OTULIN: variants seen among roughly 807,000 people sequenced by gnomAD.
OTULIN encodes ubiquitin thioesterase otulin.
A neutral mutation model predicts 39.6 loss-of-function variants in OTULIN; 15 were observed. The observed-to-expected ratio is 0.38, with a 90% confidence interval of 0.25 to 0.58. OTULIN has a LOEUF of 0.58. OTULIN is among the 20% of genes least tolerant of loss of function. The pLI is 0.66. For synonymous variants in OTULIN, 156 were observed against 170.3 expected (o/e 0.92, Z 0.65); for missense variants, 319 against 445.9 (o/e 0.72, Z 2.56).
chr5:14,675,014 C>A (rs1359240863), intron 2 of OTULIN, among the ~76,000 whole-genome samples: 1 of 152,170 alleles, frequency 6.6e-6, no homozygotes, highest in Non-Finnish European at 1.5e-5. Flanking sequence ...AGGTGGATGC[C>A]TAATGATTTC....
At chr5:14,677,688 C>T (rs965795052) in intron 2 of OTULIN, among the ~76,000 whole-genome samples, 9 of 151,998 alleles carry the variant, frequency 5.9e-5, no homozygotes, top group Non-Finnish European at 1.3e-4. Context: ...TTGTTAGAGT[C>T]AGGTGAGGTC....
intron 5 of OTULIN, 102 bp downstream of exon 5, chr5:14,687,748 T>TA: frequency 7.0e-7 from 1 of 1,419,754 alleles, no homozygotes; most frequent in Non-Finnish European, 9.3e-7. Flanking sequence ...TTTCAAATGC[T>TA]CTTGGCTGAT....
At chr5:14,700,087 A>T (rs1434819520), downstream of OTULIN, among the ~76,000 whole-genome samples, 1 of 152,194 alleles carries the variant, frequency 6.6e-6, no homozygotes, top group African/African-American at 2.4e-5. Context: ...AGAAAGGCTG[A>T]GCATGTTTTC....
At chr5:14,713,656 C>T in the OTULIN span, 2 of 1,614,078 alleles carry the variant, frequency 1.2e-6, no homozygotes, top group Non-Finnish European at 1.7e-6. This position sits in a 1 kb window ranked among gnomAD's most constrained non-coding sequence, Gnocchi z 4.4. Context: ...GTGAGATGCG[C>T]CCTCACTGTG....
intron 4 of OTULIN, among the ~76,000 whole-genome samples, chr5:14,682,311 A>G (rs1346666282): frequency 6.6e-6 from 1 of 152,328 alleles, no homozygotes; most frequent in Non-Finnish European, 1.5e-5. Context: ...TTCTGTATCT[A>G]AAATAAAAGT....
chr5:14,712,838 G>T, the OTULIN span: 1 of 1,559,472 alleles, frequency 6.4e-7, no homozygotes, highest in African/African-American at 1.4e-5. Context: ...CCAGGAGGAT[G>T]CACCCGGGAG....
At chr5:14,680,027 C>T (rs929436620) in intron 3 of OTULIN, among the ~76,000 whole-genome samples, 2 of 152,156 alleles carry the variant, frequency 1.3e-5, no homozygotes, top group Non-Finnish European at 2.9e-5. Context: ...TCCTTATTGG[C>T]GTGATTGTCT....
chr5:14,701,411 C>A (rs1389424416), downstream of OTULIN, among the ~76,000 whole-genome samples: 1 of 152,014 alleles, frequency 6.6e-6, no homozygotes, highest in Non-Finnish European at 1.5e-5. Flanking sequence ...ACTTTTGGAC[C>A]CCCTGCCCTG....
At chr5:14,708,129 C>T in the OTULIN span, 2 of 152,358 alleles carry the variant, frequency 1.3e-5, no homozygotes, top group Admixed American at 1.3e-4. Context: ...ACTGAGATCC[C>T]TGTAAGTCAC....
chr5:14,711,161 C>G, the OTULIN span: 1 of 1,520,112 alleles, frequency 6.6e-7, no homozygotes, highest in South Asian at 1.1e-5. Context: ...GTCATCCTGA[C>G]TGACTGTCCC....
chr5:14,689,660 C>T (rs1311722100), intron 5 of OTULIN, among the ~76,000 whole-genome samples: 5 of 152,168 alleles, frequency 3.3e-5, no homozygotes, highest in African/African-American at 1.2e-4. Flanking sequence ...GCTAACCCTC[C>T]TGTAAGCCCC....
chr5:14,715,011 G>A, the OTULIN span, among the ~76,000 whole-genome samples: 21 of 152,308 alleles, frequency 1.4e-4, no homozygotes, highest in Admixed American at 3.3e-4. Context: ...ATGCCATCCC[G>A]GTGCTGTGAT....
the OTULIN span, chr5:14,712,966 C>T: frequency 5.6e-6 from 9 of 1,612,724 alleles, no homozygotes; most frequent in African/African-American, 2.7e-5. Context: ...AGGGTCGCAC[C>T]GTGCACCCTG....
the OTULIN span, chr5:14,707,299 A>G: frequency 6.6e-6 from 1 of 151,552 alleles, no homozygotes; most frequent in African/African-American, 2.4e-5. Context: ...GAAGGGGGAA[A>G]AAAAAAAACC....
chr5:14,691,783 A>G (rs936900799), intron 6 of OTULIN, among the ~76,000 whole-genome samples: 5 of 152,116 alleles, frequency 3.3e-5, no homozygotes, highest in African/African-American at 1.2e-4. Flanking sequence ...CCACTAATCT[A>G]CTTTCTGTCT....
rs187976186 is a variant in OTULIN at position 14,693,164 on chromosome 5, C to T, written c.*116C>T. 1.4e-5 allele frequency: 14 copies of T among 981,612 alleles called. No homozygotes were observed. In the Admixed American group the frequency reaches 3.6e-4, roughly 25 times the overall value. 60.8% of individuals were successfully genotyped at this position (981,612 alleles called of 1,614,324 possible). A position where few individuals can be genotyped will look rare whatever the true frequency, so the allele number is the denominator to read the frequency against. On this transcript the variant is annotated 3_prime_UTR_variant, in exon 7 of 7. Transcript: ENST00000284274. ...AATCTCTGAGAAGAACCCTTGGGCCCCTGGGAGCCAAGTTGGACAGGATGT... is the reference window on the plus strand; with the variant it reads ...AATCTCTGAGAAGAACCCTTGGGCCTCTGGGAGCCAAGTTGGACAGGATGT...
chr5:14,710,942 G>A, the OTULIN span: 19 of 461,126 alleles, frequency 4.1e-5, no homozygotes, highest in East Asian at 1.8e-4. Flanking sequence ...TTGGGTTTTC[G>A]TGAGGCAGGG....
the OTULIN span, among the ~76,000 whole-genome samples, chr5:14,716,129 T>G: frequency 1.4e-4 from 21 of 152,358 alleles, no homozygotes; most frequent in African/African-American, 4.6e-4. Context: ...GAGGGCCGTT[T>G]TATTGTCCCC....
In OTULIN at chr5:14,686,541, T is replaced by C. The variant is rs16903643; in HGVS notation, c.469-980T>C. ...GTACTGGCAGAACTGTATTAATAAC[T>C]GCTAAACAAGGTCAGGTTCCTCATA... On this transcript the variant is annotated intron_variant, in intron 4 of 6. Coordinates refer to ENST00000284274, the MANE Select transcript of OTULIN (RefSeq NM_138348.6). 9.8e-3 allele frequency among the ~76,000 whole-genome samples: 1,485 copies of C among 152,296 alleles called. 26 individuals carry two copies. The highest frequency in any genetic ancestry group is 0.034 in the African/African-American group (1,397 of 41,558).
Sources: allele counts gnomAD v4.1 joint callset (sites outside exome capture counted in the v4.1 genomes callset), GRCh38; gene constraint gnomAD v4.1.1; non-coding constraint Gnocchi (gnomAD v3.1); transcripts MANE v1.5; gene names NCBI Gene and HGNC (gene_info 2026-07-23, HGNC 2026-07-21).